SHISA9: variants seen among roughly 807,000 people sequenced by gnomAD.
SHISA9 encodes shisa family member 9.
A neutral mutation model predicts 38.0 loss-of-function variants in SHISA9; 13 were observed. The ratio of observed to expected loss-of-function variants is 0.34; its 90% CI spans 0.22 to 0.54. The LOEUF is 0.54. Ranked by LOEUF, SHISA9 falls within the 20% of genes least tolerant of loss-of-function variation. The pLI, the probability that SHISA9 is intolerant of heterozygous loss-of-function variation, is 0.91. For synonymous variants in SHISA9, 275 were observed against 242.0 expected (o/e 1.14, Z -1.27); for missense variants, 538 against 575.8 (o/e 0.93, Z 0.67).
the SHISA9 span, among the ~76,000 whole-genome samples, chr16:13,513,592 C>G: frequency 7.9e-5 from 12 of 152,140 alleles, no homozygotes; most frequent in Non-Finnish European, 1.2e-4. Flanking sequence ...AACCCAAATG[C>G]CCATCAGTGA....
rs546963918 is a variant in SHISA9, at chr16:13,188,242, T to C, written c.692-15152T>C. On this transcript the variant is annotated intron_variant, in intron 2 of 4. Coordinates refer to ENST00000558583, the MANE Select transcript of SHISA9 (RefSeq NM_001145204.3). ...CAGTCCATGAAAGCTCATGCATTTT[T>C]CTTGGAGCAATGTCTGACTTTTAGG... Among the ~76,000 whole-genome samples, 4 of 152,358 alleles carry C rather than the reference T, an allele frequency of 2.6e-5. No individual in the cohort carries two copies. In the East Asian group the frequency reaches 5.8e-4, roughly 22 times the overall value.
At chr16:13,015,870 C>G (rs1049606927) in intron 2 of SHISA9, among the ~76,000 whole-genome samples, 3 of 105,074 alleles carry the variant, frequency 2.9e-5, no homozygotes, top group Non-Finnish European at 4.4e-5. Flanking sequence ...TTCTTTCTTT[C>G]TTTCTTTCTT....
At chr16:12,914,148 C>T (rs1423435231) in intron 1 of SHISA9, among the ~76,000 whole-genome samples, 1 of 150,394 alleles carries the variant, frequency 6.6e-6, no homozygotes, top group Non-Finnish European at 1.5e-5. Flanking sequence ...CGGGTTCAAG[C>T]AATTGTCCTG....
At chr16:13,383,426 G>A in the SHISA9 span, among the ~76,000 whole-genome samples, 2 of 152,150 alleles carry the variant, frequency 1.3e-5, no homozygotes, top group Admixed American at 1.3e-4. Flanking sequence ...TATGGGGGAA[G>A]AATAGTATTC....
At chr16:13,180,547 A>C (rs1451156285) in intron 2 of SHISA9, among the ~76,000 whole-genome samples, 1 of 152,176 alleles carries the variant, frequency 6.6e-6, no homozygotes, top group African/African-American at 2.4e-5. Flanking sequence ...AAAATTAAAA[A>C]ATTAGCTGGG....
the SHISA9 span, among the ~76,000 whole-genome samples, chr16:13,406,713 T>C: frequency 6.6e-6 from 1 of 152,186 alleles, no homozygotes. Context: ...CATCACTTTC[T>C]AGGTGTGTGA....
chr16:12,971,939 C>T (rs771823582), intron 2 of SHISA9, among the ~76,000 whole-genome samples: 4 of 151,770 alleles, frequency 2.6e-5, no homozygotes, highest in Non-Finnish European at 4.4e-5. Flanking sequence ...CTAATTAGTC[C>T]ACAAAAATTT....
intron 2 of SHISA9, among the ~76,000 whole-genome samples, chr16:13,165,757 C>T (rs367587818): frequency 6.6e-6 from 1 of 152,176 alleles, no homozygotes; most frequent in Non-Finnish European, 1.5e-5. Context: ...TGAGTAAAGT[C>T]CTTTCTGCTG....
In SHISA9 at chr16:12,916,011, G is replaced by GGT. The variant is rs774277866; in HGVS notation, c.564-677_564-676insGT. Among the ~76,000 whole-genome samples, 899 of 90,356 alleles carry GGT rather than the reference G, an allele frequency of 9.9e-3. 25 individuals carry two copies. The highest frequency in any genetic ancestry group is 0.082 in the East Asian group (278 of 3,386). 59.3% of individuals were successfully genotyped at this position (90,356 alleles called of 152,430 possible). On this transcript the variant is annotated intron_variant, in intron 1 of 4. Coordinates refer to ENST00000558583, the MANE Select transcript of SHISA9 (RefSeq NM_001145204.3). ...GTTTTTTTTTTGTGTGTGTGTGTGT[G>GGT]TTTTTTTTTTTTTTTTTTTGCTAAG...
chr16:13,437,241 G>C, the SHISA9 span, among the ~76,000 whole-genome samples: 2 of 152,076 alleles, frequency 1.3e-5, no homozygotes, highest in African/African-American at 4.8e-5. Context: ...GGGGGGATTG[G>C]TTGCCATGGT....
the SHISA9 span, among the ~76,000 whole-genome samples, chr16:13,423,148 A>G: frequency 1.3e-5 from 2 of 152,204 alleles, no homozygotes; most frequent in African/African-American, 4.8e-5. Flanking sequence ...TGATCTGGGC[A>G]TCTTCTCTGA....
chr16:13,338,465 G>A, the SHISA9 span, among the ~76,000 whole-genome samples: 1 of 152,278 alleles, frequency 6.6e-6, no homozygotes, highest in South Asian at 2.1e-4. Context: ...AGTATGTGTT[G>A]AGGCTGAGCA....
At chr16:12,960,123 GA>G (rs1194417409) in intron 2 of SHISA9, among the ~76,000 whole-genome samples, 2 of 152,134 alleles carry the variant, frequency 1.3e-5, no homozygotes, top group East Asian at 3.9e-4. Flanking sequence ...GTTTGGCCCT[GA>G]TATCATGCAG....
chr16:12,902,187 G>A lies in SHISA9; in HGVS notation c.123G>A (p.Leu41=). 6.5e-7 allele frequency: 1 copy of A among 1,530,186 alleles called. No homozygotes were observed. The highest frequency in any genetic ancestry group is 8.7e-7 in the Non-Finnish European group (1 of 1,143,670). The allele number at this position is 1,530,186 out of a possible 1,614,324, so 94.8% of individuals were successfully genotyped here. A position where few individuals can be genotyped will look rare whatever the true frequency, so the allele number is the denominator to read the frequency against. Residue 41 remains leucine (L), a synonymous_variant, in exon 1 of 5, where the codon CTG becomes CTA. Transcript: ENST00000558583. ...QLAQLGGVLL[L]AGGNRSGAAS... The stretch of plus-strand genomic sequence containing the variant: ...CGCAACTGGGCGGCGTGTTGCTGCT[G>A]GCGGGGGGCAACCGCTCCGGGGCCG...
chr16:13,187,038 C>T (rs2142036784), intron 2 of SHISA9, among the ~76,000 whole-genome samples: 1 of 152,284 alleles, frequency 6.6e-6, no homozygotes, highest in South Asian at 2.1e-4. Flanking sequence ...GAACACGGGT[C>T]TACAAATACC....
chr16:12,928,770 G>A (rs2071425727), intron 2 of SHISA9, among the ~76,000 whole-genome samples: 1 of 152,240 alleles, frequency 6.6e-6, no homozygotes, highest in African/African-American at 2.4e-5. Flanking sequence ...ACAAGGAATG[G>A]AAGAAGCTCC....
chr16:12,999,596 T>A (rs2072499333), intron 2 of SHISA9, among the ~76,000 whole-genome samples: 1 of 152,202 alleles, frequency 6.6e-6, no homozygotes, highest in Non-Finnish European at 1.5e-5. Flanking sequence ...ACATAGTGAT[T>A]AATGTGAAGC....
chr16:13,302,068 C>T, the SHISA9 span, among the ~76,000 whole-genome samples: 1 of 152,106 alleles, frequency 6.6e-6, no homozygotes, highest in African/African-American at 2.4e-5. Flanking sequence ...AGGCATTAGA[C>T]AGTGGGGTAG....
intron 2 of SHISA9, among the ~76,000 whole-genome samples, chr16:13,185,514 A>G (rs2050813135): frequency 6.6e-6 from 1 of 152,140 alleles, no homozygotes; most frequent in African/African-American, 2.4e-5. Flanking sequence ...CATTTTTTAT[A>G]TCTTGATTAA....
Sources: gnomAD v4.1 joint callset for allele counts (sites outside exome capture counted in the v4.1 genomes callset) on GRCh38, gnomAD v4.1.1 for gene constraint, MANE v1.5 for transcripts, NCBI Gene and HGNC (gene_info 2026-07-23, HGNC 2026-07-21) for gene names.